Variants in DRC3 observed in about 807,000 individuals in gnomAD.
DRC3 encodes leucine rich repeat containing 48.
Under a neutral mutation model 57.6 loss-of-function variants are expected in DRC3, and 45 were observed. The observed-to-expected ratio is 0.78, with a 90% CI of 0.62 to 1.00. The LOEUF is 1.00. DRC3 is among the 50% of genes least tolerant of loss of function. The probability of loss-of-function intolerance (pLI) is 0.00; values close to 1 mark genes in which losing one functional copy is unlikely to be tolerated. For synonymous variants in DRC3, 257 were observed against 272.3 expected, an observed-to-expected ratio of 0.94 and a Z score of 0.55; for missense variants, 655 against 675.2, an observed-to-expected ratio of 0.97 and a Z score of 0.33.
At chr17:18,001,091 CTT>C (rs547044145) in intron 9 of DRC3, among the ~76,000 whole-genome samples, 3 of 143,812 alleles carry the variant, frequency 2.1e-5, no homozygotes. Context: ...CTTTTTCTTT[CTT>C]TTTTTTTTTT....
At chr17:18,005,874 G>A in intron 10 of DRC3, 1 of 364,056 alleles carries the variant, frequency 2.7e-6, no homozygotes, top group Non-Finnish European at 5.2e-6. Flanking sequence ...AGGAGAGGGG[G>A]TTGGCTGTGT....
rs1438176250 is a variant in DRC3, at chr17:18,016,543, G to GT, written c.1459-15_1459-14insT. ...GATCTGATGTAAGGAATCGGGCTTT[G>GT]GTTTCACTCCTCAGATTCACAAGGA... is the stretch of plus-strand genomic sequence containing the variant. On this transcript the variant is annotated splice_polypyrimidine_tract_variant and intron_variant, in intron 13 of 13. Transcript: ENST00000399187. 1 of 1,579,850 alleles carries GT rather than the reference G, an allele frequency of 6.3e-7. No individual in the cohort carries two copies. The highest frequency in any genetic ancestry group is 1.7e-5 in the Admixed American group (1 of 59,608).
intron 10 of DRC3, 103 bp downstream of exon 10, chr17:18,004,597 A>G: frequency 7.5e-7 from 1 of 1,328,518 alleles, no homozygotes; most frequent in Non-Finnish European, 1.0e-6. Context: ...GGAAACGTCC[A>G]GCACGACTCA....
rs2044380405 is a variant in DRC3 at position 18,016,753 on chromosome 17, C to A, written c.*82C>A. ...AGGAAGTGCACACGCCTCACCCGCA[C>A]CTCTAGAGAGTTGCTGGGCATCTCT... On this transcript the variant is annotated 3_prime_UTR_variant, in exon 14 of 14. Transcript: ENST00000399187. 3 of 793,618 alleles carry A rather than the reference C, an allele frequency of 3.8e-6. No homozygotes were observed. Among genetic ancestry groups the A allele is most frequent in the Non-Finnish European group, 6.2e-6 (3 of 485,720 alleles). 49.2% of individuals were successfully genotyped at this position (793,618 alleles called of 1,614,324 possible).
intron 4 of DRC3, 110 bp downstream of exon 4, chr17:17,984,054 C>G: frequency 1.5e-6 from 1 of 681,328 alleles, no homozygotes; most frequent in Non-Finnish European, 2.5e-6. Flanking sequence ...GCTGGCCCAT[C>G]ATTAGCCAGG....
chr17:17,987,679 G>A (rs1397837234), intron 4 of DRC3, among the ~76,000 whole-genome samples: 4 of 152,206 alleles, frequency 2.6e-5, no homozygotes, highest in African/African-American at 7.2e-5. Context: ...ATAGACACCA[G>A]TATTTGCCCA....
chr17:18,008,811 G>A lies in DRC3; in HGVS notation c.1326+1664G>A, dbSNP rs150401328. Among the ~76,000 whole-genome samples the A allele has an allele frequency of 1.3e-5, 2 of 152,314 alleles. No individual in the cohort carries two copies. The highest frequency in any genetic ancestry group is 2.9e-5 in the Non-Finnish European group (2 of 68,040). On this transcript the variant is annotated intron_variant, in intron 12 of 13. Transcript: ENST00000399187. This position sits in a 1 kb window ranked among gnomAD's most constrained non-coding sequence, Gnocchi z 4.3. ...TCCCCAGACAGACCATCTTGGGGTG[G>A]GTGGAGATCCCTCCCAGCACAGCTC...
chr17:17,982,625 A>G (rs1257738435), intron 3 of DRC3, among the ~76,000 whole-genome samples: 2 of 137,282 alleles, frequency 1.5e-5, no homozygotes, highest in African/African-American at 2.8e-5. Context: ...TGTCACCTGG[A>G]TTGCAGTGGC....
chr17:17,982,572 A>G (rs1405179131), intron 3 of DRC3, among the ~76,000 whole-genome samples: 2 of 139,686 alleles, frequency 1.4e-5, no homozygotes, highest in African/African-American at 2.7e-5. Flanking sequence ...TCTTTTAATG[A>G]GCATATTCTT....
chr17:17,973,159 G>T (rs2042208588), intron 1 of DRC3, 185 bp downstream of exon 1: 1 of 151,440 alleles, frequency 6.6e-6, no homozygotes, highest in South Asian at 2.1e-4. Flanking sequence ...TTTAGTCCTG[G>T]GCTTGTCAAG....
chr17:18,016,283 A>C, intron 13 of DRC3, 88 bp downstream of exon 13: 1 of 1,367,674 alleles, frequency 7.3e-7, no homozygotes, highest in Non-Finnish European at 1.0e-6. Context: ...TAGAATTTTC[A>C]TTAAGGAATG....
At chr17:17,999,322 G>A (rs747290458) in intron 9 of DRC3, among the ~76,000 whole-genome samples, 31 of 152,170 alleles carry the variant, frequency 2.0e-4, no homozygotes, top group Admixed American at 3.9e-4. Context: ...CAGCCTGCAT[G>A]CGGAGTCCCT....
At chr17:17,977,167 C>A (rs973917623) in intron 2 of DRC3, among the ~76,000 whole-genome samples, 1 of 152,164 alleles carries the variant, frequency 6.6e-6, no homozygotes, top group African/African-American at 2.4e-5. Context: ...GGCTGACAGG[C>A]CTGGCTGGGG....
Position 18,016,188 on chromosome 17 carries a change from T to C in DRC3, c.1451T>C (p.Ile484Thr), listed in dbSNP as rs750711539. 4 of 1,613,838 alleles carry C rather than the reference T, an allele frequency of 2.5e-6. No homozygotes were observed. In the African/African-American group the frequency reaches 4.0e-5, roughly 16 times the overall value. Residue 484 changes from isoleucine to threonine, a missense_variant, in exon 13 of 14, where the codon ATA becomes ACA. Transcript: ENST00000399187. ...ATCAACTCTTGGTGTACACGTTTAA[T>C]AGACAGGGTGAGTCAATCCCAAGCC... is the stretch of plus-strand genomic sequence containing the variant. ...TRINSWCTRL[I>T]DRIHKDEIMR...
chr17:17,992,872 C>T lies in DRC3; in HGVS notation c.552C>T (p.Asp184=). The T allele has an allele frequency of 6.2e-7, 1 of 1,613,986 alleles. No homozygotes were observed. The highest frequency in any genetic ancestry group is 8.5e-7 in the Non-Finnish European group (1 of 1,179,876). Residue 184 remains aspartate, a synonymous_variant, in exon 6 of 14, where the codon GAC becomes GAT. Coordinates refer to ENST00000399187, the MANE Select transcript of DRC3 (RefSeq NM_031294.4). ...YKMFICAYLP[D]LMYLDYRRID... Reference sequence around the variant, plus strand: ...TGTTCATCTGTGCCTACCTTCCTGACCTCATGTACCTGGACTACCGGCGCA... The same window carrying T: ...TGTTCATCTGTGCCTACCTTCCTGATCTCATGTACCTGGACTACCGGCGCA...
Position 18,007,070 on chromosome 17 carries a change from C to A in DRC3, c.1249C>A (p.Leu417Met). The change falls in exon 12 of 14, where the codon CTG becomes ATG. Residue 417 changes from leucine (L) to methionine (M), a missense_variant. Transcript: ENST00000399187. ...DLENHHHEKLLEISISTLEKI... is the reference protein window; with the variant it reads ...DLENHHHEKLMEISISTLEKI... ...GGAGAATCACCACCACGAGAAGCTCCTGGAGATCTCTATCAGCACCCTGGA... is the reference window on the plus strand; with the variant it reads ...GGAGAATCACCACCACGAGAAGCTCATGGAGATCTCTATCAGCACCCTGGA... 1 of 1,460,936 alleles carries A rather than the reference C, an allele frequency of 6.8e-7. No homozygotes were observed. Among genetic ancestry groups the A allele is most frequent in the Non-Finnish European group, 9.1e-7 (1 of 1,097,752 alleles). 90.5% of individuals were successfully genotyped at this position (1,460,936 alleles called of 1,614,324 possible).
At chr17:17,998,748 C>T (rs755520954) in intron 9 of DRC3, among the ~76,000 whole-genome samples, 8 of 152,194 alleles carry the variant, frequency 5.3e-5, no homozygotes, top group Non-Finnish European at 8.8e-5. Flanking sequence ...ATTTAATTCT[C>T]AAGACCCTCC....
At chr17:17,995,167 A>G in intron 8 of DRC3, 56 bp downstream of exon 8, 1 of 1,317,444 alleles carries the variant, frequency 7.6e-7, no homozygotes, top group Non-Finnish European at 1.1e-6. Context: ...CTGCCTTGGC[A>G]AGGCCCCTTC....
intron 12 of DRC3, among the ~76,000 whole-genome samples, chr17:18,013,054 T>C (rs1422955828): frequency 1.3e-5 from 2 of 152,202 alleles, no homozygotes; most frequent in Non-Finnish European, 2.9e-5. Flanking sequence ...TAAAAACTTT[T>C]CAGCATCACT....
Sources: allele counts gnomAD v4.1 joint callset (sites outside exome capture counted in the v4.1 genomes callset), GRCh38; gene constraint gnomAD v4.1.1; non-coding constraint Gnocchi (gnomAD v3.1); transcripts MANE v1.5; gene names NCBI Gene and HGNC (gene_info 2026-07-23, HGNC 2026-07-21).